The following EOGT variants were observed in gnomAD, a reference collection of about 807,000 sequenced individuals.
EOGT encodes EGF domain-specific O-linked N-acetylglucosamine transferase.
A neutral mutation model predicts 70.5 loss-of-function variants in EOGT; 55 were observed. The ratio of observed to expected loss-of-function variants is 0.78; its 90% confidence interval spans 0.63 to 0.98. The LOEUF (loss-of-function observed/expected upper bound fraction) is 0.98. Ranked by LOEUF, EOGT falls within the 50% of genes least tolerant of loss-of-function variation. The pLI is 0.00. For missense variants in EOGT, 703 were observed against 641.9 expected (o/e 1.10, Z -1.03); for synonymous variants, 246 against 217.1 (o/e 1.13, Z -1.17).
intron 3 of EOGT, among the ~76,000 whole-genome samples, chr3:69,011,724 C>T (rs2091583712): frequency 6.6e-6 from 1 of 152,028 alleles, no homozygotes. Context: ...TCCTTTTTCC[C>T]CCATTTTCCC....
chr3:68,984,459 A>C (rs891896862), intron 14 of EOGT, among the ~76,000 whole-genome samples: 5 of 152,226 alleles, frequency 3.3e-5, no homozygotes, highest in Non-Finnish European at 5.9e-5. Context: ...GTTGCACGAA[A>C]AAGGTGGCCC....
rs1268972110 is a variant in EOGT at position 68,979,706 on chromosome 3, A to G, written c.1296T>C (p.His432=). 7 of 1,613,820 alleles carry G rather than the reference A, an allele frequency of 4.3e-6. No individual in the cohort carries two copies. The East Asian group carries it at 1.6e-4, about 36-fold the overall frequency. The change falls in exon 16 of 18, where the codon CAT becomes CAC. Residue 432 remains histidine, a synonymous_variant. Coordinates refer to ENST00000383701, the MANE Select transcript of EOGT (RefSeq NM_001278689.2). The part of the protein sequence containing the change: ...FIGMHGAGLT[H]LLFLPDWAAV... ...CAGCCCAGTCTGGAAGGAAAAGTAA[A>G]TGGGTCAGACCAGCTCCATGCATTC...
intron 15 of EOGT, 180 bp downstream of exon 15, chr3:68,982,631 A>G: frequency 2.4e-6 from 1 of 410,522 alleles, no homozygotes; most frequent in Non-Finnish European, 4.3e-6. Flanking sequence ...CCAGAAAGCC[A>G]AAGAGTAACT....
In EOGT at chr3:69,011,978, C is replaced by A. The variant is rs1388390133; in HGVS notation, c.-57G>T. On this transcript the variant is annotated 5_prime_UTR_variant, in exon 3 of 18. Transcript: ENST00000383701. ...CCACTCAGAAGCTTCTGTGATGTTT[C>A]AGGTCTCTAAAACCTGTCAGAAATG... is the stretch of plus-strand genomic sequence containing the variant. The A allele has an allele frequency of 6.6e-6, 1 of 152,118 alleles. No individual in the cohort carries two copies. Among genetic ancestry groups the A allele is most frequent in the Non-Finnish European group, 1.5e-5 (1 of 68,026 alleles). The allele number at this position is 152,118 out of a possible 1,614,324, so 9.4% of individuals were successfully genotyped here.
intron 10 of EOGT, among the ~76,000 whole-genome samples, chr3:68,989,340 C>G (rs904731365): frequency 6.6e-6 from 1 of 152,128 alleles, no homozygotes; most frequent in Non-Finnish European, 1.5e-5. Context: ...TATAGATACA[C>G]ACAACACACA....
rs9860095 is a variant in EOGT at position 69,004,296 on chromosome 3, A to T, written c.620+82T>A. The T allele has an allele frequency of 0.47, 484,904 of 1,031,838 alleles. 119,259 individuals are homozygous for T. The highest frequency in any genetic ancestry group is 0.52 in the Non-Finnish European group (353,616 of 679,594). The allele number at this position is 1,031,838 out of a possible 1,614,324, so 63.9% of individuals were successfully genotyped here. A position where few individuals can be genotyped will look rare whatever the true frequency, so the allele number is the denominator to read the frequency against. Reference sequence around the variant, plus strand: ...ATGTACAAATGAAGTAACATTTTCCATTTGAGAGTCTCCATTAATATCTGC... The same window carrying T: ...ATGTACAAATGAAGTAACATTTTCCTTTTGAGAGTCTCCATTAATATCTGC... On this transcript the variant is annotated intron_variant, in intron 8 of 17. Transcript: ENST00000383701.
At chr3:68,985,357 C>G (rs80325420) in intron 14 of EOGT, among the ~76,000 whole-genome samples, 2,676 of 152,274 alleles carry the variant, frequency 0.018, 52 homozygotes, top group East Asian at 0.04. Flanking sequence ...CCATATGGGT[C>G]TCAGGAAGAG....
intron 9 of EOGT, 141 bp downstream of exon 9, chr3:69,001,467 T>C (rs1483804744): frequency 1.8e-6 from 1 of 567,578 alleles, no homozygotes; most frequent in African/African-American, 1.9e-5. Context: ...TTCAACTACT[T>C]CTTCAGAGAA....
rs141532802 is a variant in EOGT at position 68,978,416 on chromosome 3, G to A, written c.1354C>T (p.Arg452Cys). The change falls in exon 17 of 18, where the codon CGC becomes TGC. Residue 452 changes from arginine (R) to cysteine (C), a missense_variant. By Grantham distance (180) the Arg-to-Cys change is radical. Transcript: ENST00000383701. The stretch of plus-strand genomic sequence containing the variant: ...AGCCTGGCCAAGTCTAAGTAACAGC[G>A]TTCATCTTCACAGTTGTACCTAAGG... ...VFELYNCEDE[R>C]CYLDLARLRG... 50 of 1,610,364 alleles carry A rather than the reference G, an allele frequency of 3.1e-5. No homozygotes were observed. The highest frequency in any genetic ancestry group is 1.2e-4 in the Admixed American group (7 of 59,154).
At chr3:68,979,518 G>A in intron 16 of EOGT, 150 bp downstream of exon 16, 1 of 808,786 alleles carries the variant, frequency 1.2e-6, no homozygotes, top group Non-Finnish European at 1.8e-6. Context: ...TTTAGCTTCA[G>A]GCCTCTTTTC....
At chr3:68,990,435 C>T (rs1020765366) in intron 10 of EOGT, among the ~76,000 whole-genome samples, 3 of 151,368 alleles carry the variant, frequency 2.0e-5, no homozygotes, top group African/African-American at 4.9e-5. Flanking sequence ...TCACTGCAAC[C>T]TCCACCTCCC....
chr3:69,009,562 G>T, intron 4 of EOGT, 75 bp downstream of exon 4: 1 of 1,159,180 alleles, frequency 8.6e-7, no homozygotes, highest in Non-Finnish European at 1.3e-6. Flanking sequence ...TTCAGTTTCA[G>T]GTTATAAAGC....
chr3:69,001,556 G>A, intron 9 of EOGT, 52 bp downstream of exon 9: 1 of 1,206,016 alleles, frequency 8.3e-7, no homozygotes, highest in African/African-American at 1.5e-5. Context: ...CCAAAAAAAG[G>A]AATAATATCT....
chr3:69,004,328 C>T (rs750368754), intron 8 of EOGT, 50 bp downstream of exon 8: 11 of 1,364,964 alleles, frequency 8.1e-6, no homozygotes, highest in East Asian at 4.6e-5. Context: ...CTGCAAGTGC[C>T]GTAAATAAAG....
chr3:68,991,890 G>A (rs13079898), intron 10 of EOGT, among the ~76,000 whole-genome samples: 28,200 of 152,142 alleles, frequency 0.19, 3,441 homozygotes, highest in East Asian at 0.37. Context: ...CATGGCAGCG[G>A]CAAGAGAAAA....
intron 16 of EOGT, 134 bp from the exon 17 acceptor site, chr3:68,978,569 A>T: frequency 1.7e-6 from 1 of 590,378 alleles, no homozygotes. Context: ...GGAAGACAGT[A>T]AACAAGACTG....
chr3:69,006,637 G>A (rs1397852624), intron 6 of EOGT, among the ~76,000 whole-genome samples: 1 of 152,132 alleles, frequency 6.6e-6, no homozygotes, highest in Non-Finnish European at 1.5e-5. Context: ...GCTACATAAT[G>A]GGCATGGCTT....
rs1553673434 is a variant in EOGT, at chr3:69,007,511, G to GGCGGGGGC, written c.420+201_420+202insGCCCCCGC. ...TACTAAAAATATAAAAATTAGCGGGGGGGGGTGGCACGCGCCTGTAATCCA... is the reference window on the plus strand; with the variant it reads ...TACTAAAAATATAAAAATTAGCGGGGGCGGGGGCGGGGGTGGCACGCGCCTGTAATCCA... On this transcript the variant is annotated intron_variant, in intron 6 of 17. Transcript: ENST00000383701. Among the ~76,000 whole-genome samples the GGCGGGGGC allele has an allele frequency of 6.2e-5, 5 of 80,472 alleles. 1 individual carries two copies. Among genetic ancestry groups the GGCGGGGGC allele is most frequent in the East Asian group, 6.5e-4 (2 of 3,054 alleles). The allele number at this position is 80,472 out of a possible 152,430, so 52.8% of individuals were successfully genotyped here.
chr3:68,988,429 T>C, intron 12 of EOGT, 48 bp from the exon 13 acceptor site: 1 of 1,489,260 alleles, frequency 6.7e-7, no homozygotes, highest in Non-Finnish European at 9.0e-7. Context: ...TTCTGTATTA[T>C]AATTTAAGAT....
Sources: gnomAD v4.1 joint callset for allele counts (sites outside exome capture counted in the v4.1 genomes callset) on GRCh38, gnomAD v4.1.1 for gene constraint, MANE v1.5 for transcripts, NCBI Gene and HGNC (gene_info 2026-07-23, HGNC 2026-07-21) for gene names.